Variants in GCH1 observed in about 807,000 individuals in gnomAD.
The protein encoded by GCH1 is GTP cyclohydrolase 1, also known as GTP cyclohydrolase I.
Under a neutral mutation model 25.9 loss-of-function variants are expected in GCH1, and 5 were observed. That is an observed-to-expected ratio of 0.19 (90% CI 0.10 to 0.41). GCH1 has a LOEUF of 0.41. Ranked by LOEUF, GCH1 falls within the 10% of genes least tolerant of loss-of-function variation. The probability of loss-of-function intolerance (pLI) is 1.00; values close to 1 mark genes in which losing one functional copy is unlikely to be tolerated. For synonymous variants in GCH1, 159 were observed against 129.6 expected, an observed-to-expected ratio of 1.23 and a Z score of -1.54; for missense variants, 261 against 336.5, an observed-to-expected ratio of 0.78 and a Z score of 1.75.
intron 1 of GCH1, among the ~76,000 whole-genome samples, chr14:54,900,845 TCACACACACA>T (rs3221690): frequency 0.012 from 1,785 of 144,716 alleles, 19 homozygotes; most frequent in African/African-American, 0.032. Context: ...GTGAAATATC[TCACACACACA>T]CACACACACA....
intron 1 of GCH1, among the ~76,000 whole-genome samples, chr14:54,891,179 T>C (rs1418447903): frequency 6.6e-6 from 1 of 152,174 alleles, no homozygotes; most frequent in African/African-American, 2.4e-5. Context: ...CTCGGCTCAC[T>C]GCAACCTTCG....
At chr14:54,899,785 C>G (rs948967354) in intron 1 of GCH1, among the ~76,000 whole-genome samples, 10 of 152,168 alleles carry the variant, frequency 6.6e-5, no homozygotes, top group Admixed American at 5.2e-4. Flanking sequence ...AAGCTCCATA[C>G]TCATTAAACA....
intron 1 of GCH1, among the ~76,000 whole-genome samples, chr14:54,900,843 T>TCACACA (rs1491121836): frequency 2.2e-4 from 19 of 84,750 alleles, no homozygotes; most frequent in South Asian, 1.3e-3. Context: ...TTGTGAAATA[T>TCACACA]CTCACACACA....
intron 5 of GCH1, among the ~76,000 whole-genome samples, chr14:54,844,930 G>C (rs560755146): frequency 1.3e-5 from 2 of 152,196 alleles, no homozygotes; most frequent in Admixed American, 6.5e-5. Context: ...TCAGTATTTT[G>C]GGAGGCTGAG....
At position 54,843,557 on chromosome 14, in the gene GCH1, T is replaced by G; in HGVS notation, c.*460A>C. On this transcript the variant is annotated 3_prime_UTR_variant, in exon 6 of 6. Coordinates refer to ENST00000491895, the MANE Select transcript of GCH1 (RefSeq NM_000161.3). ...TGACCAAAGTGAAGTCTGTTGAACT[T>G]GAATTCACAGAGCAATACCGCACTA... The G allele has an allele frequency of 7.3e-7, 1 of 1,368,162 alleles. No homozygotes were observed. 84.8% of individuals were successfully genotyped at this position (1,368,162 alleles called of 1,614,324 possible).
intron 2 of GCH1, among the ~76,000 whole-genome samples, chr14:54,862,377 CTCTT>C (rs1293108843): frequency 0.023 from 2,720 of 115,764 alleles, 166 homozygotes; most frequent in African/African-American, 0.096. Context: ...TGAAGCACTA[CTCTT>C]TTTTTTTTTT....
At chr14:54,882,928 A>G (rs1420169063) in intron 1 of GCH1, among the ~76,000 whole-genome samples, 1 of 152,238 alleles carries the variant, frequency 6.6e-6, no homozygotes, top group Non-Finnish European at 1.5e-5. Flanking sequence ...GTTTTGGAAA[A>G]TATAGCGTCC....
intron 1 of GCH1, among the ~76,000 whole-genome samples, chr14:54,873,592 C>T (rs1432835707): frequency 9.2e-5 from 14 of 151,896 alleles, no homozygotes; most frequent in African/African-American, 1.2e-4. Context: ...ATTGATAGAC[C>T]GCTAGCAAGA....
intron 3 of GCH1, among the ~76,000 whole-genome samples, chr14:54,850,568 C>T (rs532413562): frequency 6.6e-6 from 1 of 152,028 alleles, no homozygotes; most frequent in Non-Finnish European, 1.5e-5. Context: ...ATGTAAGTGC[C>T]ACGTTGGTGT....
At chr14:54,872,454 A>T (rs1198123520) in intron 1 of GCH1, among the ~76,000 whole-genome samples, 2 of 152,214 alleles carry the variant, frequency 1.3e-5, no homozygotes, top group African/African-American at 4.8e-5. Context: ...GAGCAAAATA[A>T]CCAGCTAACA....
At chr14:54,901,488 G>A (rs2040565458) in intron 1 of GCH1, among the ~76,000 whole-genome samples, 1 of 151,990 alleles carries the variant, frequency 6.6e-6, no homozygotes, top group African/African-American at 2.4e-5. Context: ...CCCTCTGGGT[G>A]AAAAGCCGAC....
At chr14:54,869,944 G>T (rs1245032516) in intron 1 of GCH1, among the ~76,000 whole-genome samples, 1 of 152,166 alleles carries the variant, frequency 6.6e-6, no homozygotes, top group Non-Finnish European at 1.5e-5. Context: ...TCCATACACA[G>T]AAGAGACTAC....
At chr14:54,896,884 A>C (rs1372491160) in intron 1 of GCH1, among the ~76,000 whole-genome samples, 2 of 144,544 alleles carry the variant, frequency 1.4e-5, no homozygotes, top group East Asian at 2.0e-4. Flanking sequence ...GCGCCACTGC[A>C]CTCCAGCCTG....
chr14:54,877,022 A>G (rs769000781), intron 1 of GCH1, among the ~76,000 whole-genome samples: 6 of 152,370 alleles, frequency 3.9e-5, no homozygotes, highest in East Asian at 3.9e-4. Context: ...ATAATGGAAC[A>G]CTGATATGTT....
Position 54,869,957 on chromosome 14 carries a change from A to C in GCH1, c.344-4521T>G, listed in dbSNP as rs531330571. On this transcript the variant is annotated intron_variant, in intron 1 of 5. Transcript: ENST00000491895. ...CATCCATACACAGAAGAGACTACCT[A>C]TGTTCTAGAAAAGGCAAAACTATAG... Among the ~76,000 whole-genome samples the C allele has an allele frequency of 1.9e-4, 29 of 152,312 alleles. 2 individuals are homozygous for C. In the South Asian group the frequency reaches 6.0e-3, roughly 32 times the overall value.
At chr14:54,851,459 T>A (rs1001961554) in intron 3 of GCH1, among the ~76,000 whole-genome samples, 1 of 152,168 alleles carries the variant, frequency 6.6e-6, no homozygotes, top group African/African-American at 2.4e-5. Context: ...GAGAAAATTT[T>A]TATGATCTAC....
At chr14:54,850,516 T>C (rs1566661906) in intron 3 of GCH1, among the ~76,000 whole-genome samples, 1 of 152,028 alleles carries the variant, frequency 6.6e-6, no homozygotes, top group Non-Finnish European at 1.5e-5. Flanking sequence ...TACTTTAAGT[T>C]CTAGGGTACA....
chr14:54,863,909 G>A (rs1566668444), intron 2 of GCH1, among the ~76,000 whole-genome samples: 3 of 151,982 alleles, frequency 2.0e-5, no homozygotes, highest in Admixed American at 2.0e-4. Flanking sequence ...CCCAGGCTAG[G>A]ATATAGTGGC....
chr14:54,844,056 T>A lies in GCH1; in HGVS notation c.714A>T (p.Pro238=). The A allele has an allele frequency of 6.2e-7, 1 of 1,614,156 alleles. No homozygotes were observed. The highest frequency in any genetic ancestry group is 8.5e-7 in the Non-Finnish European group (1 of 1,179,962). Residue 238 remains proline, a synonymous_variant, in exon 6 of 6, where the codon CCA becomes CCT. Transcript: ENST00000491895. ...STMLGVFRED[P]KTREEFLTLI... ...GAGTCAGGAACTCTTCCCGAGTCTT[T>A]GGATCCTCCCGGAACACACCCAACA...
Sources: gnomAD v4.1 joint callset for allele counts (sites outside exome capture counted in the v4.1 genomes callset) on GRCh38, gnomAD v4.1.1 for gene constraint, MANE v1.5 for transcripts, NCBI Gene and HGNC (gene_info 2026-07-23, HGNC 2026-07-21) for gene names.